Variants in DKK3 observed in about 807,000 individuals in gnomAD.
DKK3 encodes dickkopf Wnt signaling pathway inhibitor 3, also known as dickkopf-related protein 3.
DKK3 carries 22 observed loss-of-function variants against 33.2 expected under a neutral mutation model. The observed-to-expected ratio is 0.66, with a 90% CI of 0.47 to 0.95. DKK3 has a LOEUF of 0.95. Among genes scored for constraint, DKK3 ranks in the 40% least tolerant of loss-of-function variants. DKK3 has a pLI of 0.00. For missense variants in DKK3, 398 were observed against 458.4 expected (o/e 0.87, Z 1.20); for synonymous variants, 194 against 188.8 (o/e 1.03, Z -0.23).
chr11:11,975,737 G>T (rs1056183347), intron 3 of DKK3, among the ~76,000 whole-genome samples: 1 of 152,104 alleles, frequency 6.6e-6, no homozygotes, highest in Non-Finnish European at 1.5e-5. Flanking sequence ...TCCAGGCACA[G>T]TTCCCCATTC....
In DKK3 at chr11:11,964,219, CAG is replaced by C. The variant is rs1432052018; in HGVS notation, c.*243_*244del. On this transcript the variant is annotated 3_prime_UTR_variant, in exon 7 of 7. Transcript: ENST00000683431. ...GAGGCAAAGCAGCCAATAATCTGGA[CAG>C]GGGTGGCAAACTGCTCCTGCAGTTT... is the stretch of plus-strand genomic sequence containing the variant. 1 of 546,344 alleles carries C rather than the reference CAG, an allele frequency of 1.8e-6. No individual in the cohort carries two copies. Among genetic ancestry groups the C allele is most frequent in the East Asian group, 3.0e-5 (1 of 33,028 alleles). 33.8% of individuals were successfully genotyped at this position (546,344 alleles called of 1,614,324 possible). A position where few individuals can be genotyped will look rare whatever the true frequency, so the allele number is the denominator to read the frequency against.
At chr11:11,971,731 G>A (rs77375936) in intron 3 of DKK3, among the ~76,000 whole-genome samples, 4 of 152,054 alleles carry the variant, frequency 2.6e-5, no homozygotes, top group African/African-American at 4.8e-5. Context: ...CCATCAAGAC[G>A]GGTGCATTTT....
At chr11:11,968,136 T>C (rs1847642765) in intron 4 of DKK3, among the ~76,000 whole-genome samples, 1 of 152,112 alleles carries the variant, frequency 6.6e-6, no homozygotes, top group Non-Finnish European at 1.5e-5. Flanking sequence ...TTCTCTACCA[T>C]CAATGACACA....
At chr11:11,968,984 AG>A (rs1201825982) in intron 3 of DKK3, among the ~76,000 whole-genome samples, 1 of 152,134 alleles carries the variant, frequency 6.6e-6, no homozygotes, top group East Asian at 1.9e-4. Flanking sequence ...GAGCGCCCTC[AG>A]GGTCCTGGGT....
chr11:11,998,552 AG>A (rs1208237312), intron 3 of DKK3, 143 bp downstream of exon 3: 26 of 745,534 alleles, frequency 3.5e-5, no homozygotes, highest in Non-Finnish European at 6.0e-5. Flanking sequence ...TCAGAAATGT[AG>A]GAATTGAGGA....
chr11:12,007,529 G>A (rs1039634075), intron 1 of DKK3, among the ~76,000 whole-genome samples: 1 of 152,220 alleles, frequency 6.6e-6, no homozygotes, highest in Non-Finnish European at 1.5e-5. Flanking sequence ...AGAACAAGAT[G>A]CCACCCACAG....
upstream of DKK3, chr11:12,009,018 C>T (rs999760683): frequency 1.0e-5 from 10 of 992,164 alleles, no homozygotes; most frequent in African/African-American, 1.6e-4. Context: ...ACTTCCACCT[C>T]AAGCCTCTCT....
intron 3 of DKK3, among the ~76,000 whole-genome samples, chr11:11,976,273 C>G (rs1240105745): frequency 6.6e-6 from 1 of 152,238 alleles, no homozygotes; most frequent in Non-Finnish European, 1.5e-5. Flanking sequence ...AGAAGGAGGA[C>G]AGTTGCAATG....
At chr11:11,998,279 C>T (rs1450897419) in intron 3 of DKK3, 1 of 256,748 alleles carries the variant, frequency 3.9e-6, no homozygotes, top group Non-Finnish European at 7.4e-6. Context: ...GGCCATTGGG[C>T]TCCACATAAG....
At position 12,002,437 on chromosome 11, in the gene DKK3, T is replaced by A. The variant is rs1848450131; in HGVS notation, c.214A>T (p.Met72Leu). 1 of 1,611,926 alleles carries A rather than the reference T, an allele frequency of 6.2e-7. No individual in the cohort carries two copies. The highest frequency in any genetic ancestry group is 1.3e-5 in the African/African-American group (1 of 74,790). ...TTAGCAGCAGCTTCTTCTGCCTCCATCTATTAAATCGATGAATTTAATGAG... is the reference window on the plus strand; with the variant it reads ...TTAGCAGCAGCTTCTTCTGCCTCCAACTATTAAATCGATGAATTTAATGAG... ...QHKLRSAVEEMEAEEAAAKAS... is the reference protein window; with the variant it reads ...QHKLRSAVEELEAEEAAAKAS... The change falls in exon 2 of 7, where the codon ATG (methionine) becomes TTG (leucine). Residue 72 changes from methionine (M) to leucine (L), a missense_variant and splice_region_variant. Met to Leu is a conservative substitution (Grantham distance 15). Coordinates refer to ENST00000683431, the MANE Select transcript of DKK3 (RefSeq NM_001018057.2).
intron 3 of DKK3, among the ~76,000 whole-genome samples, chr11:11,986,610 G>A (rs899175180): frequency 4.6e-5 from 7 of 152,104 alleles, no homozygotes; most frequent in African/African-American, 1.2e-4. Flanking sequence ...GCTGTAACCC[G>A]GGAATGGAAG....
intron 3 of DKK3, among the ~76,000 whole-genome samples, chr11:11,971,849 G>A (rs1329250267): frequency 6.6e-6 from 1 of 152,106 alleles, no homozygotes; most frequent in African/African-American, 2.4e-5. Context: ...ATTTTGGCAT[G>A]GAACTTTGCC....
At position 12,002,580 on chromosome 11, in the gene DKK3, A is replaced by G. The variant is rs1042197185; in HGVS notation, c.214-143T>C. 5.9e-6 allele frequency: 5 copies of G among 843,398 alleles called. No homozygotes were observed. The African/African-American group carries it at 6.8e-5, about 12-fold the overall frequency. The allele number at this position is 843,398 out of a possible 1,614,324, so 52.2% of individuals were successfully genotyped here. ...AGGTGCTATTAATTGAGTACTCACTATGATAAGATATTATACTAAACGTTT... is the reference window on the plus strand; with the variant it reads ...AGGTGCTATTAATTGAGTACTCACTGTGATAAGATATTATACTAAACGTTT... On this transcript the variant is annotated intron_variant, in intron 1 of 6. Coordinates refer to ENST00000683431, the MANE Select transcript of DKK3 (RefSeq NM_001018057.2).
chr11:11,970,493 C>T (rs1847701177), intron 3 of DKK3, among the ~76,000 whole-genome samples: 1 of 152,118 alleles, frequency 6.6e-6, no homozygotes, highest in Non-Finnish European at 1.5e-5. Context: ...GGTGGAATAA[C>T]AGCACCCCCA....
At chr11:11,996,643 C>G (rs1192185082) in intron 3 of DKK3, among the ~76,000 whole-genome samples, 1 of 152,236 alleles carries the variant, frequency 6.6e-6, no homozygotes, top group Non-Finnish European at 1.5e-5. Context: ...GGAATTTAGT[C>G]TAATATAGAA....
chr11:12,008,623 A>C lies in DKK3; in HGVS notation c.-41T>G. The C allele has an allele frequency of 1.5e-6, 2 of 1,353,082 alleles. No homozygotes were observed. The highest frequency in any genetic ancestry group is 1.9e-6 in the Non-Finnish European group (2 of 1,061,938). 83.8% of individuals were successfully genotyped at this position (1,353,082 alleles called of 1,614,324 possible). A position where few individuals can be genotyped will look rare whatever the true frequency, so the allele number is the denominator to read the frequency against. ...GCAGCCGCCGCCTGTGTGTCCCGGA[A>C]CGCGATCAGAGGCGCGCGGACCACC... On this transcript the variant is annotated 5_prime_UTR_variant, in exon 1 of 7. Transcript: ENST00000683431. The surrounding 1 kb of genome is among the most constrained non-coding windows in gnomAD (Gnocchi z 4.6).
intron 2 of DKK3, among the ~76,000 whole-genome samples, chr11:12,000,083 T>G (rs1026667546): frequency 5.9e-5 from 9 of 152,268 alleles, no homozygotes; most frequent in Admixed American, 5.9e-4. Context: ...ACAATTTGTA[T>G]TTTTCTTAAA....
chr11:12,009,326 G>A (rs1249615721), upstream of DKK3: 10 of 981,940 alleles, frequency 1.0e-5, no homozygotes, highest in Admixed American at 1.9e-4. Context: ...ACCCGAGGGA[G>A]CCCGCAAGAC....
intron 3 of DKK3, among the ~76,000 whole-genome samples, chr11:11,996,157 C>A (rs1174148207): frequency 1.3e-5 from 2 of 152,186 alleles, no homozygotes. Flanking sequence ...GCAAATCTCC[C>A]TCTTCCCTCT....
Sources: allele counts gnomAD v4.1 joint callset (sites outside exome capture counted in the v4.1 genomes callset), GRCh38; gene constraint gnomAD v4.1.1; non-coding constraint Gnocchi (gnomAD v3.1); transcripts MANE v1.5; gene names NCBI Gene and HGNC (gene_info 2026-07-23, HGNC 2026-07-21).